MKLN1: variants seen among roughly 807,000 people sequenced by gnomAD.
The protein encoded by MKLN1 is muskelin 1, also known as muskelin.
In MKLN1, 18 loss-of-function variants were observed where a neutral mutation model predicts 99.0. The ratio of observed to expected loss-of-function variants is 0.18; its 90% CI spans 0.13 to 0.27. The LOEUF is 0.27. MKLN1 is among the 10% of genes least tolerant of loss of function. The pLI is 1.00. For missense variants in MKLN1, 621 were observed against 875.9 expected (o/e 0.71, Z 3.67); for synonymous variants, 288 against 293.2 (o/e 0.98, Z 0.18).
chr7:131,142,446 A>C (rs1795750161), intron 1 of MKLN1, among the ~76,000 whole-genome samples: 1 of 151,740 alleles, frequency 6.6e-6, no homozygotes, highest in African/African-American at 2.4e-5. Flanking sequence ...AATAATTTAA[A>C]AAAATTAGGC....
intron 3 of MKLN1, among the ~76,000 whole-genome samples, chr7:131,266,056 C>G (rs1372410442): frequency 6.6e-6 from 1 of 151,952 alleles, no homozygotes; most frequent in Non-Finnish European, 1.5e-5. Flanking sequence ...CACCTGTAGT[C>G]CCAGCTGCTT....
At chr7:131,378,757 G>T (rs1297550076) in intron 2 of MKLN1, among the ~76,000 whole-genome samples, 1 of 152,148 alleles carries the variant, frequency 6.6e-6, no homozygotes, top group African/African-American at 2.4e-5. Flanking sequence ...TTGAACCCAG[G>T]AGGTCAAGGC....
At chr7:131,372,493 T>C (rs776639406) in intron 1 of MKLN1, among the ~76,000 whole-genome samples, 3 of 152,084 alleles carry the variant, frequency 2.0e-5, no homozygotes, top group African/African-American at 4.8e-5. Flanking sequence ...ATGAATGTTA[T>C]TACTTTGCAA....
At chr7:131,259,457 T>C (rs1321495623) in intron 3 of MKLN1, among the ~76,000 whole-genome samples, 2 of 152,186 alleles carry the variant, frequency 1.3e-5, no homozygotes, top group Non-Finnish European at 2.9e-5. Context: ...TGAGGTAAAG[T>C]AGTATGTGTA....
At chr7:131,239,632 C>A (rs1797372496) in intron 3 of MKLN1, among the ~76,000 whole-genome samples, 1 of 152,032 alleles carries the variant, frequency 6.6e-6, no homozygotes, top group Non-Finnish European at 1.5e-5. Context: ...TTTTTTATGG[C>A]CAGAAAGGAA....
At chr7:131,257,207 T>C (rs1797669770) in intron 3 of MKLN1, among the ~76,000 whole-genome samples, 1 of 152,152 alleles carries the variant, frequency 6.6e-6, no homozygotes, top group South Asian at 2.1e-4. Flanking sequence ...CTCTAGGATA[T>C]ACTTATTCTA....
chr7:131,468,524 G>A (rs555635899), intron 15 of MKLN1, among the ~76,000 whole-genome samples: 59 of 152,222 alleles, frequency 3.9e-4, no homozygotes, highest in African/African-American at 1.4e-3. Flanking sequence ...TAGAAGGAGG[G>A]AAAGAAGTAT....
At chr7:131,397,170 G>A in intron 4 of MKLN1, 97 bp from the exon 5 acceptor site, 1 of 778,832 alleles carries the variant, frequency 1.3e-6, no homozygotes, top group Non-Finnish European at 2.1e-6. Context: ...TTCGTTGAAT[G>A]AATCCTTATA....
rs371320853 is a variant in MKLN1 at position 131,483,072 on chromosome 7, A to G, written c.2086+4395A>G. 1.4e-4 allele frequency among the ~76,000 whole-genome samples: 21 copies of G among 152,350 alleles called. 1 individual carries two copies. The East Asian group carries it at 2.5e-3, about 18-fold the overall frequency. On this transcript the variant is annotated intron_variant, in intron 17 of 17. Coordinates refer to ENST00000352689, the MANE Select transcript of MKLN1 (RefSeq NM_013255.5). ...GAGCTTTACCAGTTTCCACTGCTCA[A>G]ATGGTTACTTCCTCTTTCCATTTTA...
intron 3 of MKLN1, among the ~76,000 whole-genome samples, chr7:131,243,161 A>G (rs1164426534): frequency 1.3e-5 from 2 of 152,260 alleles, no homozygotes; most frequent in African/African-American, 2.4e-5. Context: ...AATTATTTTT[A>G]GATAGTTCAG....
At chr7:131,269,227 C>G (rs145204307) in intron 3 of MKLN1, among the ~76,000 whole-genome samples, 12 of 152,338 alleles carry the variant, frequency 7.9e-5, no homozygotes, top group Admixed American at 7.8e-4. Context: ...GTTTGTGTTG[C>G]TATCCCAAAA....
chr7:131,404,073 T>C (rs997679687), intron 6 of MKLN1, among the ~76,000 whole-genome samples: 1 of 152,250 alleles, frequency 6.6e-6, no homozygotes, highest in South Asian at 2.1e-4. Flanking sequence ...TAATGGTGTC[T>C]TACTCTTTTC....
In MKLN1 at chr7:131,492,071, G is replaced by A. The variant is rs938222339; in HGVS notation, c.*4343G>A. On this transcript the variant is annotated 3_prime_UTR_variant, in exon 18 of 18. Coordinates refer to ENST00000352689, the MANE Select transcript of MKLN1 (RefSeq NM_013255.5). ...ATTTGGGGATAGTAATAATGGCTGT[G>A]GCAGCTTTAATGGAGAAACCTGTGT... The A allele has an allele frequency of 1.3e-5, 2 of 152,132 alleles. No homozygotes were observed. Among genetic ancestry groups the A allele is most frequent in the Non-Finnish European group, 2.9e-5 (2 of 68,018 alleles). 9.4% of individuals were successfully genotyped at this position (152,132 alleles called of 1,614,324 possible).
At chr7:131,373,987 C>T (rs1793554870) in intron 1 of MKLN1, among the ~76,000 whole-genome samples, 1 of 152,208 alleles carries the variant, frequency 6.6e-6, no homozygotes, top group African/African-American at 2.4e-5. Context: ...GACCTTTCCT[C>T]TGATGTTTTC....
chr7:131,157,456 A>T (rs1419508423), intron 2 of MKLN1, among the ~76,000 whole-genome samples: 2 of 152,140 alleles, frequency 1.3e-5, no homozygotes, highest in African/African-American at 4.8e-5. Context: ...TTCACCTGCC[A>T]CTTGCTATAT....
At chr7:131,128,873 C>T (rs879358121) in intron 1 of MKLN1, among the ~76,000 whole-genome samples, 2 of 148,910 alleles carry the variant, frequency 1.3e-5, no homozygotes, top group Non-Finnish European at 3.0e-5. Context: ...TAGCTAGGAC[C>T]ACACGTGTGT....
At chr7:131,120,880 C>T (rs1675657822) in intron 1 of MKLN1, among the ~76,000 whole-genome samples, 1 of 152,238 alleles carries the variant, frequency 6.6e-6, no homozygotes. Flanking sequence ...TGCCCGTTAC[C>T]CAGTTCCAAA....
chr7:131,335,335 G>C (rs1282912508), intron 1 of MKLN1, among the ~76,000 whole-genome samples: 1 of 151,988 alleles, frequency 6.6e-6, no homozygotes, highest in Non-Finnish European at 1.5e-5. Flanking sequence ...TTGTTTAATG[G>C]GTTTTGCTTA....
Position 131,169,766 on chromosome 7 carries a change from T to C in MKLN1, c.-297+26825T>C, listed in dbSNP as rs149560040. Among the ~76,000 whole-genome samples, 510 of 152,368 alleles carry C rather than the reference T, an allele frequency of 3.3e-3. 3 individuals carry two copies. Among genetic ancestry groups the C allele is most frequent in the Middle Eastern group, 0.02 (6 of 294 alleles). ...AGAGATTTTTCCATTTAATAACTCA[T>C]TTATTTTCAAGCAATAGTCTGTTGA... On this transcript the variant is annotated intron_variant, in intron 2 of 7. Transcript: ENST00000416992.
Sources: allele counts gnomAD v4.1 joint callset (sites outside exome capture counted in the v4.1 genomes callset), GRCh38; gene constraint gnomAD v4.1.1; transcripts MANE v1.5; gene names NCBI Gene and HGNC (gene_info 2026-07-23, HGNC 2026-07-21).